Variants in SPDYE10 observed in about 807,000 individuals in gnomAD.
SPDYE10 encodes the protein speedy protein E10.
chr7:73,138,357 G>A, the SPDYE10 span, among the ~76,000 whole-genome samples: 2 of 151,734 alleles, frequency 1.3e-5, no homozygotes, highest in African/African-American at 2.4e-5. Context: ...TTGACCATGG[G>A]CCTAATTTGT....
the SPDYE10 span, among the ~76,000 whole-genome samples, chr7:73,123,788 C>CCCTCTCTCT: frequency 9.6e-4 from 94 of 97,454 alleles, no homozygotes; most frequent in African/African-American, 2.2e-3. Context: ...TCTCTCTCTC[C>CCCTCTCTCT]CTCTCTCTCT....
the SPDYE10 span, among the ~76,000 whole-genome samples, chr7:73,143,158 C>T: frequency 6.6e-6 from 1 of 151,052 alleles, no homozygotes; most frequent in African/African-American, 2.4e-5. Flanking sequence ...ATCCAACATG[C>T]TCTTCTGCAA....
At chr7:73,113,896 G>A in the SPDYE10 span, among the ~76,000 whole-genome samples, 19 of 151,958 alleles carry the variant, frequency 1.3e-4, no homozygotes, top group Non-Finnish European at 1.9e-4. Flanking sequence ...CATGGTTGCG[G>A]GCACCTGTAT....
chr7:73,132,585 A>G, the SPDYE10 span, among the ~76,000 whole-genome samples: 1 of 143,512 alleles, frequency 7.0e-6, no homozygotes, highest in African/African-American at 2.6e-5. Context: ...AGGACCATTG[A>G]CAACATGCTG....
the SPDYE10 span, among the ~76,000 whole-genome samples, chr7:73,134,553 G>GAAAGAAAGAAAGAAAGAAAGAAAGAA: frequency 1.3e-5 from 2 of 152,138 alleles, no homozygotes; most frequent in South Asian, 2.1e-4. Context: ...AAGAAAGAAA[G>GAAAGAAAGAAAGAAAGAAAGAAAGAA]AAAGAAAGAA....
At chr7:73,149,911 CCGTGAAAATCA>C in the SPDYE10 span, among the ~76,000 whole-genome samples, 1 of 64,340 alleles carries the variant, frequency 1.6e-5, no homozygotes, top group Admixed American at 1.7e-4. Flanking sequence ...TTGGCCAAAG[CCGTGAAAATCA>C]CATAGCCAGA....
chr7:73,129,890 C>T, the SPDYE10 span, among the ~76,000 whole-genome samples: 1 of 152,000 alleles, frequency 6.6e-6, no homozygotes, highest in Non-Finnish European at 1.5e-5. Context: ...CCTCCGTCAA[C>T]CAGGCTGAAT....
the SPDYE10 span, among the ~76,000 whole-genome samples, chr7:73,114,534 ATTTTT>A: frequency 7.4e-6 from 1 of 134,552 alleles, no homozygotes; most frequent in Non-Finnish European, 1.6e-5. Flanking sequence ...TTTAAGCCCT[ATTTTT>A]TTTTTTTTTT....
chr7:73,152,340 A>G, the SPDYE10 span, among the ~76,000 whole-genome samples: 1 of 142,774 alleles, frequency 7.0e-6, no homozygotes, highest in Non-Finnish European at 1.5e-5. Context: ...TAAGAAACTG[A>G]ATTTTATGCC....
the SPDYE10 span, among the ~76,000 whole-genome samples, chr7:73,123,788 C>CTCTCTCTCTCTCTCTCT: frequency 9.2e-5 from 9 of 97,454 alleles, no homozygotes; most frequent in Non-Finnish European, 1.1e-4. Context: ...TCTCTCTCTC[C>CTCTCTCTCTCTCTCTCT]CTCTCTCTCT....
chr7:73,149,274 GC>G, the SPDYE10 span, among the ~76,000 whole-genome samples: 4 of 123,752 alleles, frequency 3.2e-5, no homozygotes, highest in African/African-American at 1.2e-4. Context: ...GAGCCACTGT[GC>G]CCAGACAACA....
chr7:73,154,960 C>G, the SPDYE10 span: 309 of 149,446 alleles, frequency 2.1e-3, 4 homozygotes, highest in Middle Eastern at 0.014. Flanking sequence ...CTGCTCCCCC[C>G]GCGCCGGGCG....
At chr7:73,123,519 T>G in the SPDYE10 span, among the ~76,000 whole-genome samples, 1 of 152,228 alleles carries the variant, frequency 6.6e-6, no homozygotes, top group Admixed American at 6.5e-5. Context: ...CAAGCTGGAG[T>G]GCAGTGGTGT....
the SPDYE10 span, among the ~76,000 whole-genome samples, chr7:73,142,980 G>GAGGA: frequency 0.12 from 10,671 of 90,114 alleles, 145 homozygotes; most frequent in Middle Eastern, 0.17. Flanking sequence ...GGGAGGGAGG[G>GAGGA]AGGAAGGAAG....
chr7:73,139,679 TGGAGTCTCC>T, the SPDYE10 span, among the ~76,000 whole-genome samples: 1 of 148,924 alleles, frequency 6.7e-6, no homozygotes, highest in Admixed American at 6.7e-5. Context: ...TCTTTTGAGG[TGGAGTCTCC>T]CTCTGTTGCC....
At chr7:73,113,740 A>C in the SPDYE10 span, among the ~76,000 whole-genome samples, 1 of 152,092 alleles carries the variant, frequency 6.6e-6, no homozygotes, top group Non-Finnish European at 1.5e-5. Context: ...CTAAAAATAC[A>C]AAAAATTAGA....
chr7:73,139,668 T>C, the SPDYE10 span, among the ~76,000 whole-genome samples: 1 of 151,202 alleles, frequency 6.6e-6, no homozygotes, highest in African/African-American at 2.5e-5. Flanking sequence ...GTTTTTTTTT[T>C]TCTTTTGAGG....
chr7:73,132,678 CTGTT>C, the SPDYE10 span, among the ~76,000 whole-genome samples: 2 of 151,388 alleles, frequency 1.3e-5, no homozygotes, highest in African/African-American at 2.4e-5. Flanking sequence ...CCCACTCACT[CTGTT>C]TGGGAGTTGA....
chr7:73,113,875 A>C, the SPDYE10 span, among the ~76,000 whole-genome samples: 1 of 151,960 alleles, frequency 6.6e-6, no homozygotes, highest in Non-Finnish European at 1.5e-5. Context: ...AAAATACAAA[A>C]AGTAGCCAGG....
Sources: gnomAD v4.1 joint callset for allele counts (sites outside exome capture counted in the v4.1 genomes callset) on GRCh38, gnomAD v4.1.1 for gene constraint, MANE v1.5 for transcripts, NCBI Gene and HGNC (gene_info 2026-07-23, HGNC 2026-07-21) for gene names.